SGPP2: variants seen among roughly 807,000 people sequenced by gnomAD.
The protein encoded by SGPP2 is sphingosine 1-phosphate phosphohydrolase 2.
Under a neutral mutation model 33.9 loss-of-function variants are expected in SGPP2, and 30 were observed. That is an observed-to-expected ratio of 0.89 (90% CI 0.66 to 1.20). The LOEUF (loss-of-function observed/expected upper bound fraction) is 1.20. Ranked by LOEUF, SGPP2 falls within the 50% of genes most tolerant of loss-of-function variation. SGPP2 has a pLI of 0.00. For synonymous variants in SGPP2, 233 were observed against 225.0 expected (o/e 1.04, Z -0.32); for missense variants, 458 against 532.1 (o/e 0.86, Z 1.37).
intron 4 of SGPP2, among the ~76,000 whole-genome samples, chr2:222,538,598 G>A (rs1172103499): frequency 1.3e-5 from 2 of 152,132 alleles, no homozygotes; most frequent in Non-Finnish European, 2.9e-5. Flanking sequence ...TGTATATGAA[G>A]CTTCCTTGTT....
chr2:222,432,961 C>A (rs934588021), intron 1 of SGPP2, among the ~76,000 whole-genome samples: 1 of 151,606 alleles, frequency 6.6e-6, no homozygotes, highest in Non-Finnish European at 1.5e-5. Flanking sequence ...GCAGAGGTTG[C>A]GGTAAGCCAA....
intron 2 of SGPP2, among the ~76,000 whole-genome samples, chr2:222,508,230 G>A (rs1698474840): frequency 6.6e-6 from 1 of 152,174 alleles, no homozygotes; most frequent in African/African-American, 2.4e-5. Context: ...TAGAGTTTGG[G>A]TTTTTAAAGC....
At chr2:222,443,184 A>G (rs962055533) in intron 1 of SGPP2, among the ~76,000 whole-genome samples, 2 of 152,156 alleles carry the variant, frequency 1.3e-5, no homozygotes, top group African/African-American at 4.8e-5. Context: ...TGCCCTATGA[A>G]TCATATATTT....
intron 1 of SGPP2, among the ~76,000 whole-genome samples, chr2:222,451,969 G>A (rs1342974215): frequency 1.3e-5 from 2 of 152,098 alleles, no homozygotes; most frequent in African/African-American, 4.8e-5. Context: ...TGTAAAGTAA[G>A]TACAGTTGAC....
chr2:222,448,936 C>T (rs1697437977), intron 1 of SGPP2, among the ~76,000 whole-genome samples: 1 of 152,082 alleles, frequency 6.6e-6, no homozygotes, highest in South Asian at 2.1e-4. Context: ...CCAGCTGTTC[C>T]CCATCTCCAG....
chr2:222,474,471 G>A (rs567704517), intron 1 of SGPP2, 97 bp from the exon 2 acceptor site: 3 of 1,055,490 alleles, frequency 2.8e-6, no homozygotes, highest in South Asian at 1.6e-5. Flanking sequence ...AGAGGAGACA[G>A]CGTCTTGGCA....
At chr2:222,523,452 T>C (rs1698715489) in intron 3 of SGPP2, among the ~76,000 whole-genome samples, 1 of 152,146 alleles carries the variant, frequency 6.6e-6, no homozygotes, top group Admixed American at 6.6e-5. Flanking sequence ...TATGCTAATG[T>C]ACCTTAAGAG....
chr2:222,435,018 G>A (rs1037721787), intron 1 of SGPP2, among the ~76,000 whole-genome samples: 2 of 18,938 alleles, frequency 1.1e-4, no homozygotes, highest in Non-Finnish European at 2.7e-4. Flanking sequence ...ACACATATGT[G>A]TATATGTGTG....
intron 4 of SGPP2, among the ~76,000 whole-genome samples, chr2:222,538,935 A>G (rs1032500217): frequency 2.0e-5 from 3 of 152,126 alleles, no homozygotes; most frequent in Admixed American, 6.5e-5. Flanking sequence ...TCAACATGAG[A>G]TTTGGGCAGA....
At chr2:222,463,468 A>C (rs1483208260) in intron 1 of SGPP2, among the ~76,000 whole-genome samples, 4 of 152,212 alleles carry the variant, frequency 2.6e-5, no homozygotes, top group African/African-American at 9.6e-5. Context: ...ATAGTTGATC[A>C]TGGTGCCACA....
chr2:222,539,073 C>T (rs1698955875), intron 4 of SGPP2, among the ~76,000 whole-genome samples: 3 of 152,190 alleles, frequency 2.0e-5, no homozygotes, highest in South Asian at 4.1e-4. Flanking sequence ...AGCATTAACT[C>T]ACAAGTTCAG....
rs1272425078 is a variant in SGPP2, at chr2:222,476,623, AC to A, written c.378+1900del. ...GTCCTTCTGTTCTTAACATCTGAAA[AC>A]CCTTGGAAAACCTATGGGCTTGAGT... On this transcript the variant is annotated intron_variant, in intron 2 of 4. Coordinates refer to ENST00000321276, the MANE Select transcript of SGPP2 (RefSeq NM_152386.4). The surrounding 1 kb of genome is among the most constrained non-coding windows in gnomAD (Gnocchi z 4.3). Among the ~76,000 whole-genome samples the A allele has an allele frequency of 3.3e-5, 5 of 151,346 alleles. No homozygotes were observed. Among genetic ancestry groups the A allele is most frequent in the South Asian group, 2.1e-4 (1 of 4,774 alleles).
chr2:222,450,796 A>T (rs968776538), intron 1 of SGPP2, among the ~76,000 whole-genome samples: 1 of 152,160 alleles, frequency 6.6e-6, no homozygotes, highest in Non-Finnish European at 1.5e-5. Flanking sequence ...TGTTTGAGAG[A>T]AAGACAGGAA....
At chr2:222,508,135 T>C (rs1395820745) in intron 2 of SGPP2, among the ~76,000 whole-genome samples, 1 of 152,188 alleles carries the variant, frequency 6.6e-6, no homozygotes, top group Non-Finnish European at 1.5e-5. Context: ...AATTTTCTCA[T>C]CAGATGTGAT....
At chr2:222,461,472 C>T (rs1007885311) in intron 1 of SGPP2, among the ~76,000 whole-genome samples, 6 of 151,962 alleles carry the variant, frequency 3.9e-5, no homozygotes, top group African/African-American at 9.7e-5. Context: ...GATTCAAGCA[C>T]GTTGCCTTTA....
chr2:222,509,512 T>C (rs1255426790), intron 2 of SGPP2, among the ~76,000 whole-genome samples: 1 of 152,226 alleles, frequency 6.6e-6, no homozygotes, highest in Non-Finnish European at 1.5e-5. Context: ...TACTTATGGT[T>C]GTGAGTAGTG....
At chr2:222,486,547 G>A (rs2106106644) in intron 2 of SGPP2, among the ~76,000 whole-genome samples, 1 of 152,248 alleles carries the variant, frequency 6.6e-6, no homozygotes, top group Admixed American at 6.5e-5. Flanking sequence ...TGGACTATTT[G>A]CCAACTTTCA....
At chr2:222,459,941 A>G (rs1192201498) in intron 1 of SGPP2, among the ~76,000 whole-genome samples, 1 of 152,208 alleles carries the variant, frequency 6.6e-6, no homozygotes, top group Non-Finnish European at 1.5e-5. Flanking sequence ...TGGAAACTGC[A>G]TTCTTGTGAA....
intron 2 of SGPP2, among the ~76,000 whole-genome samples, chr2:222,515,216 G>A (rs1435620847): frequency 1.3e-5 from 2 of 152,066 alleles, no homozygotes; most frequent in African/African-American, 4.8e-5. Context: ...GGTCAGGCCA[G>A]GCCTCTGCCC....
Sources: gnomAD v4.1 joint callset for allele counts (sites outside exome capture counted in the v4.1 genomes callset) on GRCh38, gnomAD v4.1.1 for gene constraint, Gnocchi (gnomAD v3.1) non-coding constraint, MANE v1.5 for transcripts, NCBI Gene and HGNC (gene_info 2026-07-23, HGNC 2026-07-21) for gene names.